HM13: variants seen among roughly 807,000 people sequenced by gnomAD.
HM13 encodes signal peptide peptidase.
HM13 carries 18 observed loss-of-function variants against 50.0 expected under a neutral mutation model. The ratio of observed to expected loss-of-function variants is 0.36; its 90% CI spans 0.25 to 0.53. The LOEUF is 0.53. Ranked by LOEUF, HM13 falls within the 20% of genes least tolerant of loss-of-function variation. The probability of loss-of-function intolerance (pLI) is 0.90; values close to 1 mark genes in which losing one functional copy is unlikely to be tolerated. For missense variants in HM13, 393 were observed against 552.4 expected (o/e 0.71, Z 2.89); for synonymous variants, 197 against 232.6 (o/e 0.85, Z 1.39).
intron 10 of HM13, chr20:31,562,801 A>G (rs991968589): frequency 6.6e-6 from 1 of 152,286 alleles, no homozygotes; most frequent in African/African-American, 2.4e-5. Flanking sequence ...AGAAAAACCA[A>G]GAACAACCAT....
chr20:31,514,745 C>G lies in HM13; in HGVS notation c.183+11C>G. ...TGCGCCCGCGGCAAGGTAGGGTCAG[C>G]GGGAAAACCGGGCACTTTCCACCCC... On this transcript the variant is annotated intron_variant, in intron 1 of 12. Coordinates refer to ENST00000398174, the MANE Select transcript of HM13 (RefSeq NM_178581.3). This position sits in a 1 kb window ranked among gnomAD's most constrained non-coding sequence, Gnocchi z 4.3. The G allele has an allele frequency of 6.6e-7, 1 of 1,511,394 alleles. No individual in the cohort carries two copies. The highest frequency in any genetic ancestry group is 8.8e-7 in the Non-Finnish European group (1 of 1,130,962). 93.6% of individuals were successfully genotyped at this position (1,511,394 alleles called of 1,614,324 possible).
chr20:31,545,864 T>C (rs1372535745), intron 4 of HM13, among the ~76,000 whole-genome samples: 4 of 151,740 alleles, frequency 2.6e-5, no homozygotes, highest in African/African-American at 4.8e-5. Context: ...CCAGCTAATT[T>C]TTTTGTATTT....
At chr20:31,521,854 CTTTT>C (rs368753723) in intron 1 of HM13, among the ~76,000 whole-genome samples, 3 of 120,612 alleles carry the variant, frequency 2.5e-5, no homozygotes, top group Admixed American at 8.6e-5. Flanking sequence ...GTCTCCCATT[CTTTT>C]TTTTTTTTTT....
intron 2 of HM13, among the ~76,000 whole-genome samples, chr20:31,537,289 G>A (rs1382150295): frequency 2.0e-5 from 3 of 152,242 alleles, no homozygotes; most frequent in East Asian, 1.9e-4. Flanking sequence ...GACTTGTGGT[G>A]GCCACCACGA....
chr20:31,532,932 T>A (rs1309658014), intron 2 of HM13, among the ~76,000 whole-genome samples: 1 of 152,262 alleles, frequency 6.6e-6, no homozygotes, highest in East Asian at 1.9e-4. Flanking sequence ...GGCTTCCTGT[T>A]GCTCAGTCTT....
chr20:31,531,171 A>T (rs571375020), intron 2 of HM13, among the ~76,000 whole-genome samples: 2 of 152,014 alleles, frequency 1.3e-5, no homozygotes, highest in East Asian at 3.9e-4. Flanking sequence ...CAGCCTCCCA[A>T]GTAGCTAGGA....
chr20:31,527,423 GC>G, intron 1 of HM13, 60 bp from the exon 2 acceptor site: 2 of 1,180,382 alleles, frequency 1.7e-6, no homozygotes, highest in Non-Finnish European at 2.5e-6. Context: ...CATTAGCAGA[GC>G]CTTGCAGGAA....
chr20:31,544,829 G>A (rs893483816), intron 3 of HM13, 118 bp from the exon 4 acceptor site: 3 of 783,924 alleles, frequency 3.8e-6, no homozygotes, highest in Admixed American at 3.8e-5. Flanking sequence ...AGTGGGAACA[G>A]TAACACCTAC....
Position 31,569,123 on chromosome 20 carries a change from TGAG to T in HM13, c.1189_1191del (p.Glu397del). The T allele has an allele frequency of 1.3e-6, 2 of 1,556,018 alleles. No individual in the cohort carries two copies. Among genetic ancestry groups the T allele is most frequent in the South Asian group, 2.3e-5 (2 of 85,226 alleles). On this transcript the variant is annotated inframe_deletion, in exon 13 of 13. Transcript: ENST00000398174. ...TTGTTTTTTTTTTTTTGGTCAGTTATGAGGAGTCAAATCCTAAGGATCCAGCGG... is the reference window on the plus strand; with the variant it reads ...TTGTTTTTTTTTTTTTGGTCAGTTATGAGTCAAATCCTAAGGATCCAGCGG...
intron 8 of HM13, among the ~76,000 whole-genome samples, chr20:31,558,674 C>T (rs866788432): frequency 6.6e-6 from 1 of 152,174 alleles, no homozygotes; most frequent in South Asian, 2.1e-4. Flanking sequence ...CCTGCCTCAG[C>T]CTCCCAATAG....
At chr20:31,526,082 A>AC (rs1373921109) in intron 1 of HM13, among the ~76,000 whole-genome samples, 2 of 152,024 alleles carry the variant, frequency 1.3e-5, no homozygotes, top group African/African-American at 4.8e-5. Flanking sequence ...CCAAGATTGC[A>AC]CCACTGCACT....
At chr20:31,535,005 G>A (rs1186941508) in intron 2 of HM13, among the ~76,000 whole-genome samples, 1 of 151,760 alleles carries the variant, frequency 6.6e-6, no homozygotes, top group Non-Finnish European at 1.5e-5. Flanking sequence ...AGAGTGGCGT[G>A]AACCCGGGAG....
At chr20:31,523,164 C>T (rs1307978325) in intron 1 of HM13, among the ~76,000 whole-genome samples, 2 of 151,880 alleles carry the variant, frequency 1.3e-5, no homozygotes, top group Admixed American at 6.6e-5. Flanking sequence ...AATTCTCCTG[C>T]CTCAACCTCC....
At position 31,559,663 on chromosome 20, in the gene HM13, C is replaced by T. The variant is rs1004513838; in HGVS notation, c.845+16C>T. On this transcript the variant is annotated intron_variant, in intron 9 of 12. Transcript: ENST00000398174. ...TTGACATCAGGTGAGTGAGTGAGGG[C>T]CTGCCCCAGCATGGGCTTCTCCAGG... The T allele has an allele frequency of 8.7e-6, 14 of 1,613,596 alleles. No homozygotes were observed. The highest frequency in any genetic ancestry group is 1.2e-5 in the Non-Finnish European group (14 of 1,179,522).
intron 4 of HM13, among the ~76,000 whole-genome samples, chr20:31,545,905 C>T (rs543457936): frequency 2.0e-5 from 3 of 152,174 alleles, no homozygotes; most frequent in East Asian, 1.9e-4. Context: ...CCATGCTAGC[C>T]AGGCTGGTCT....
Position 31,514,788 on chromosome 20 carries a change from A to G in HM13, c.183+54A>G, listed in dbSNP as rs943111182. ...TCCACCCCCATACCGAACACGGCCG[A>G]CATGGACCCTTCCTAGGCGGGACAG... is the stretch of plus-strand genomic sequence containing the variant. On this transcript the variant is annotated intron_variant, in intron 1 of 12. Coordinates refer to ENST00000398174, the MANE Select transcript of HM13 (RefSeq NM_178581.3). This position sits in a 1 kb window ranked among gnomAD's most constrained non-coding sequence, Gnocchi z 4.3. 9.8e-5 allele frequency: 141 copies of G among 1,439,344 alleles called. No homozygotes were observed. The highest frequency in any genetic ancestry group is 1.3e-4 in the Non-Finnish European group (138 of 1,088,078). 89.2% of individuals were successfully genotyped at this position (1,439,344 alleles called of 1,614,324 possible).
intron 2 of HM13, 51 bp downstream of exon 2, chr20:31,527,633 A>G: frequency 8.0e-7 from 1 of 1,252,224 alleles, no homozygotes; most frequent in Admixed American, 1.9e-5. Flanking sequence ...ACTTTATCTT[A>G]TTTTGTTTTA....
intron 4 of HM13, chr20:31,548,181 T>C (rs1983828638): frequency 1.4e-6 from 1 of 711,488 alleles, no homozygotes; most frequent in South Asian, 1.7e-5. Context: ...AGATACTTTA[T>C]AGAAAACAAA....
At chr20:31,554,915 T>C (rs1984228834) in intron 8 of HM13, 86 bp downstream of exon 8, 1 of 1,114,450 alleles carries the variant, frequency 9.0e-7, no homozygotes, top group African/African-American at 1.5e-5. Context: ...CAGACAGGCT[T>C]ACCAGCTGAG....
Sources: gnomAD v4.1 joint callset for allele counts (sites outside exome capture counted in the v4.1 genomes callset) on GRCh38, gnomAD v4.1.1 for gene constraint, Gnocchi (gnomAD v3.1) non-coding constraint, MANE v1.5 for transcripts, NCBI Gene and HGNC (gene_info 2026-07-23, HGNC 2026-07-21) for gene names.